The following DLG2 variants were observed in gnomAD, a reference collection of about 807,000 sequenced individuals.
The protein encoded by DLG2 is disks large homolog 2.
DLG2 carries 45 observed loss-of-function variants against 132.5 expected under a neutral mutation model. That is an observed-to-expected ratio of 0.34 (90% confidence interval 0.27 to 0.44). DLG2 has a LOEUF of 0.44. DLG2 is among the 20% of genes least tolerant of loss of function. The probability of loss-of-function intolerance (pLI) is 1.00; values close to 1 mark genes in which losing one functional copy is unlikely to be tolerated. For missense variants in DLG2, 1,045 were observed against 1,196.9 expected (o/e 0.87, Z 1.87); for synonymous variants, 424 against 419.6 (o/e 1.01, Z -0.13).
chr11:83,881,264 C>A (rs1160389465), intron 15 of DLG2, among the ~76,000 whole-genome samples: 3 of 152,052 alleles, frequency 2.0e-5, no homozygotes, highest in African/African-American at 7.2e-5. Flanking sequence ...GCTTAGAGTC[C>A]ACTGAACCTC....
intron 11 of DLG2, among the ~76,000 whole-genome samples, chr11:84,014,163 G>A (rs1055993093): frequency 6.6e-6 from 1 of 152,084 alleles, no homozygotes; most frequent in African/African-American, 2.4e-5. Flanking sequence ...TGCTGTTGCT[G>A]TAATTATGTA....
At chr11:83,509,063 C>T (rs918636269) in intron 21 of DLG2, among the ~76,000 whole-genome samples, 5 of 152,142 alleles carry the variant, frequency 3.3e-5, no homozygotes, top group African/African-American at 4.8e-5. Context: ...CGTGATGTTA[C>T]GGGGTGAGGC....
chr11:83,719,739 C>T (rs1030456105), intron 18 of DLG2, among the ~76,000 whole-genome samples: 11 of 152,106 alleles, frequency 7.2e-5, no homozygotes, highest in Non-Finnish European at 8.8e-5. Flanking sequence ...AAAATTACAA[C>T]GAGAAGTTTG....
chr11:84,951,323 C>G (rs571725025), intron 6 of DLG2, among the ~76,000 whole-genome samples: 6 of 152,204 alleles, frequency 3.9e-5, no homozygotes, highest in African/African-American at 9.6e-5. Context: ...ACTCATGATA[C>G]ATTGTATTAA....
At chr11:84,517,725 A>G (rs1029945278) in intron 7 of DLG2, among the ~76,000 whole-genome samples, 8 of 152,078 alleles carry the variant, frequency 5.3e-5, no homozygotes, top group Non-Finnish European at 7.4e-5. Context: ...CTTATTCAAA[A>G]TAGCCAAAAT....
chr11:85,585,597 A>C (rs890015908), intron 3 of DLG2, among the ~76,000 whole-genome samples: 7 of 152,032 alleles, frequency 4.6e-5, no homozygotes, highest in Non-Finnish European at 2.9e-5. Flanking sequence ...CTTCTGTGCT[A>C]ATTTTGCTGA....
In DLG2 at chr11:83,794,661, T is replaced by C. The variant is rs557754850; in HGVS notation, c.1723-7869A>G. Among the ~76,000 whole-genome samples the C allele has an allele frequency of 2.0e-5, 3 of 152,256 alleles. No homozygotes were observed. The East Asian group carries it at 5.8e-4, about 29-fold the overall frequency. On this transcript the variant is annotated intron_variant, in intron 17 of 27. Coordinates refer to ENST00000376104, the MANE Select transcript of DLG2 (RefSeq NM_001142699.3). ...ATGTACATCAGAGATAGTTATATAT[T>C]ATTTCATTTAATCCTCAGGAGGGTG...
intron 6 of DLG2, among the ~76,000 whole-genome samples, chr11:84,897,459 T>C (rs2090353655): frequency 6.6e-6 from 1 of 151,920 alleles, no homozygotes; most frequent in South Asian, 2.1e-4. Flanking sequence ...GTTTCTCTCC[T>C]ATTCTCCCAA....
intron 8 of DLG2, among the ~76,000 whole-genome samples, chr11:84,179,082 A>C (rs919715827): frequency 1.3e-5 from 2 of 152,186 alleles, no homozygotes; most frequent in Non-Finnish European, 2.9e-5. Flanking sequence ...ATATGTGCAA[A>C]GAACTAAAAG....
At chr11:84,084,064 T>C (rs2096939754) in intron 10 of DLG2, among the ~76,000 whole-genome samples, 1 of 152,154 alleles carries the variant, frequency 6.6e-6, no homozygotes, top group Non-Finnish European at 1.5e-5. Context: ...CCACAGTTCA[T>C]ACCTCTAAGG....
chr11:84,591,223 C>CTCTGTGTGTGTGTGTGTGTGTGTGTG (rs1555073566), intron 6 of DLG2, among the ~76,000 whole-genome samples: 2 of 139,222 alleles, frequency 1.4e-5, no homozygotes, highest in Non-Finnish European at 3.0e-5. Flanking sequence ...ATGTGTCTCT[C>CTCTGTGTGTGTGTGTGTGTGTGTGTG]TGTGTGTGTG....
intron 3 of DLG2, among the ~76,000 whole-genome samples, chr11:85,310,088 G>A (rs2080218187): frequency 6.6e-6 from 1 of 152,164 alleles, no homozygotes; most frequent in Admixed American, 6.5e-5. Context: ...GGAATTAAGA[G>A]TTTGTCAGTC....
intron 7 of DLG2, among the ~76,000 whole-genome samples, chr11:84,405,999 T>C (rs934273505): frequency 2.6e-5 from 4 of 152,146 alleles, no homozygotes; most frequent in Admixed American, 6.5e-5. Flanking sequence ...AATAGCCCCC[T>C]TCTTGGTCAC....
At chr11:84,818,638 C>T (rs2153980263) in intron 6 of DLG2, among the ~76,000 whole-genome samples, 1 of 151,972 alleles carries the variant, frequency 6.6e-6, no homozygotes, top group African/African-American at 2.4e-5. Context: ...ACAATTTGTG[C>T]TCTTTTTCTT....
intron 19 of DLG2, among the ~76,000 whole-genome samples, chr11:83,548,242 G>T (rs1420864312): frequency 1.3e-5 from 2 of 152,090 alleles, no homozygotes; most frequent in Admixed American, 1.3e-4. Flanking sequence ...AGAGCCTTAT[G>T]TGGCAAAGGA....
intron 7 of DLG2, among the ~76,000 whole-genome samples, chr11:84,512,365 G>T (rs2154514198): frequency 6.6e-6 from 1 of 152,116 alleles, no homozygotes; most frequent in South Asian, 2.1e-4. Flanking sequence ...AAATAGAACT[G>T]ACAGTACCTT....
intron 4 of DLG2, among the ~76,000 whole-genome samples, chr11:85,205,535 A>G (rs2081826107): frequency 6.6e-6 from 1 of 152,204 alleles, no homozygotes; most frequent in Non-Finnish European, 1.5e-5. Context: ...TAGCTGTAAA[A>G]GAATTGGAAT....
chr11:83,905,755 C>T (rs543583403), intron 15 of DLG2, among the ~76,000 whole-genome samples: 77 of 152,220 alleles, frequency 5.1e-4, no homozygotes, highest in African/African-American at 1.8e-3. Context: ...TCATTATCAT[C>T]TTTTGATGGG....
chr11:84,665,394 T>G (rs868186637), intron 6 of DLG2, among the ~76,000 whole-genome samples: 1 of 152,166 alleles, frequency 6.6e-6, no homozygotes, highest in African/African-American at 2.4e-5. Context: ...GAACTTAGAC[T>G]CTGGCTTCAG....
Sources: allele counts gnomAD v4.1 joint callset (sites outside exome capture counted in the v4.1 genomes callset), GRCh38; gene constraint gnomAD v4.1.1; transcripts MANE v1.5; gene names NCBI Gene and HGNC (gene_info 2026-07-23, HGNC 2026-07-21).